The following SLC25A21 variants were observed in gnomAD, a reference collection of about 807,000 sequenced individuals.
The protein encoded by SLC25A21 is mitochondrial 2-oxodicarboxylate carrier.
SLC25A21 carries 47 observed loss-of-function variants against 43.8 expected under a neutral mutation model. The ratio of observed to expected loss-of-function variants is 1.07; its 90% CI spans 0.85 to 1.37. The LOEUF (loss-of-function observed/expected upper bound fraction) is 1.37, where lower values mean the gene tolerates loss of function less well. Among genes scored for constraint, SLC25A21 ranks in the 40% most tolerant of loss-of-function variants. The pLI is 0.00. For missense variants in SLC25A21, 352 were observed against 350.2 expected, an observed-to-expected ratio of 1.00 and a Z score of -0.04; for synonymous variants, 131 against 121.3, an observed-to-expected ratio of 1.08 and a Z score of -0.52.
At chr14:37,154,473 AT>A in intron 1 of SLC25A21, among the ~76,000 whole-genome samples, 1 of 150,752 alleles carries the variant, frequency 6.6e-6, no homozygotes, top group African/African-American at 2.4e-5. Flanking sequence ...AAAAAAATCA[AT>A]GAAATATGAC....
At position 36,688,040 on chromosome 14, in the gene SLC25A21, C is replaced by A. The variant is rs72679760; in HGVS notation, c.604-3115G>T. Among the ~76,000 whole-genome samples, 1,369 of 152,264 alleles carry A rather than the reference C, an allele frequency of 9.0e-3. 15 individuals are homozygous for A. The highest frequency in any genetic ancestry group is 0.015 in the Non-Finnish European group (1,009 of 68,030). On this transcript the variant is annotated intron_variant, in intron 7 of 9. Coordinates refer to ENST00000331299, the MANE Select transcript of SLC25A21 (RefSeq NM_030631.4). ...ATCTTTCTAGCTTCCACTTCTACAC[C>A]CTACCCCGAATCCATACTATGGTCA...
chr14:37,085,436 G>A (rs1425644194), intron 1 of SLC25A21, among the ~76,000 whole-genome samples: 1 of 151,956 alleles, frequency 6.6e-6, no homozygotes, highest in Non-Finnish European at 1.5e-5. Context: ...ATATATATTG[G>A]TTCAATTTAT....
intron 2 of SLC25A21, among the ~76,000 whole-genome samples, chr14:36,871,996 T>A (rs1236448510): frequency 6.6e-6 from 1 of 152,092 alleles, no homozygotes; most frequent in Non-Finnish European, 1.5e-5. Context: ...TGCAGGCAAT[T>A]TTGGGAAAAC....
rs117236960 is a variant in SLC25A21, at chr14:37,161,684, G to A, written c.70+10597C>T. ...GTGACAGATAGGGAGAGAACGGCCAGGCACGGTGGCTCACGCCTGTAATCC... is the reference window on the plus strand; with the variant it reads ...GTGACAGATAGGGAGAGAACGGCCAAGCACGGTGGCTCACGCCTGTAATCC... On this transcript the variant is annotated intron_variant, in intron 1 of 9. Transcript: ENST00000331299. 7.0e-4 allele frequency among the ~76,000 whole-genome samples: 107 copies of A among 152,236 alleles called. 3 individuals carry two copies. The East Asian group carries it at 0.02, about 28-fold the overall frequency.
chr14:37,118,511 C>T (rs991221902), intron 1 of SLC25A21, among the ~76,000 whole-genome samples: 1 of 152,210 alleles, frequency 6.6e-6, no homozygotes, highest in Non-Finnish European at 1.5e-5. Flanking sequence ...AGCTCTTTCT[C>T]TATTGCAGTT....
At chr14:37,098,797 A>T (rs1962758489) in intron 1 of SLC25A21, among the ~76,000 whole-genome samples, 1 of 103,272 alleles carries the variant, frequency 9.7e-6, no homozygotes, top group African/African-American at 4.1e-5. Flanking sequence ...AGATAGATAG[A>T]TAGATAGATT....
At chr14:36,741,377 A>C (rs749248912) in intron 3 of SLC25A21, among the ~76,000 whole-genome samples, 16 of 152,200 alleles carry the variant, frequency 1.1e-4, no homozygotes, top group Non-Finnish European at 2.2e-4. Flanking sequence ...GTTGTCTATC[A>C]GAAATGTTAC....
At position 36,712,790 on chromosome 14, in the gene SLC25A21, C is replaced by CA. The variant is rs145364729; in HGVS notation, c.439-1309dup. Among the ~76,000 whole-genome samples, 1,244 of 152,124 alleles carry CA rather than the reference C, an allele frequency of 8.2e-3. 15 individuals are homozygous for CA. The highest frequency in any genetic ancestry group is 0.029 in the African/African-American group (1,196 of 41,502). ...AATAAGACATATCATACAGGAAAAC[C>CA]AAAAAATTTTCTGAAGGTTAAAGTT... is the stretch of plus-strand genomic sequence containing the variant. On this transcript the variant is annotated intron_variant, in intron 6 of 9. Coordinates refer to ENST00000331299, the MANE Select transcript of SLC25A21 (RefSeq NM_030631.4).
intron 1 of SLC25A21, among the ~76,000 whole-genome samples, chr14:37,033,754 C>G: frequency 6.6e-6 from 1 of 152,102 alleles, no homozygotes; most frequent in South Asian, 2.1e-4. Flanking sequence ...TGTAGCTTGA[C>G]TGGGAAGAGG....
At chr14:37,172,033 A>G (rs897747181) in intron 1 of SLC25A21, 3 of 544,410 alleles carry the variant, frequency 5.5e-6, no homozygotes, top group Non-Finnish European at 9.8e-6. Context: ...AGGAACGGAC[A>G]ATGCCGGGAA....
intron 1 of SLC25A21, among the ~76,000 whole-genome samples, chr14:37,007,982 C>T (rs1960645323): frequency 6.6e-6 from 1 of 151,448 alleles, no homozygotes; most frequent in African/African-American, 2.4e-5. Flanking sequence ...TCAAGCGATT[C>T]TCCTGCCTGA....
chr14:37,172,091 C>G, intron 1 of SLC25A21, 190 bp downstream of exon 1: 1 of 597,758 alleles, frequency 1.7e-6, no homozygotes, highest in Non-Finnish European at 2.9e-6. Context: ...CTTGGGGCAC[C>G]CACTACTCGC....
chr14:36,697,238 C>A (rs943147199), intron 7 of SLC25A21, among the ~76,000 whole-genome samples: 2 of 152,152 alleles, frequency 1.3e-5, no homozygotes, highest in Non-Finnish European at 2.9e-5. Flanking sequence ...GTTTCTTAAT[C>A]CTGAGTTCTA....
chr14:36,850,333 TA>T (rs1889686109), intron 2 of SLC25A21, among the ~76,000 whole-genome samples: 1 of 152,164 alleles, frequency 6.6e-6, no homozygotes, highest in Non-Finnish European at 1.5e-5. Context: ...TTCTATGAGG[TA>T]GATATGACTT....
chr14:37,037,640 T>C (rs1961356653), intron 1 of SLC25A21, among the ~76,000 whole-genome samples: 1 of 152,182 alleles, frequency 6.6e-6, no homozygotes, highest in African/African-American at 2.4e-5. Context: ...CCTTTTTTCT[T>C]GCTTATGTTC....
rs183486685 is a variant in SLC25A21, at chr14:37,016,517, G to A, written c.71-141513C>T. Among the ~76,000 whole-genome samples, 281 of 152,234 alleles carry A rather than the reference G, an allele frequency of 1.8e-3. 3 individuals are homozygous for A. The highest frequency in any genetic ancestry group is 7.5e-3 in the South Asian group (36 of 4,824). On this transcript the variant is annotated intron_variant, in intron 1 of 9. Coordinates refer to ENST00000331299, the MANE Select transcript of SLC25A21 (RefSeq NM_030631.4). ...GTTCTTTTGGCTTAGGATTGACTTG[G>A]CGATGCGGGCTCTTTTTTGATTTTT...
intron 1 of SLC25A21, among the ~76,000 whole-genome samples, chr14:37,096,824 G>A (rs760292194): frequency 1.5e-4 from 23 of 152,038 alleles, no homozygotes; most frequent in South Asian, 2.1e-4. Context: ...TGAATTACCC[G>A]TCTGAGAGGT....
chr14:36,952,764 C>T (rs1892843900), intron 1 of SLC25A21, among the ~76,000 whole-genome samples: 1 of 152,148 alleles, frequency 6.6e-6, no homozygotes, highest in African/African-American at 2.4e-5. Context: ...TCCCCAAATA[C>T]AAGGGTCCCA....
At chr14:36,839,593 C>G (rs1418874980) in intron 2 of SLC25A21, among the ~76,000 whole-genome samples, 1 of 152,196 alleles carries the variant, frequency 6.6e-6, no homozygotes, top group Non-Finnish European at 1.5e-5. Context: ...GAGACAAGTA[C>G]AATTTGCAGA....
Sources: gnomAD v4.1 joint callset for allele counts (sites outside exome capture counted in the v4.1 genomes callset) on GRCh38, gnomAD v4.1.1 for gene constraint, MANE v1.5 for transcripts, NCBI Gene and HGNC (gene_info 2026-07-23, HGNC 2026-07-21) for gene names.